The following SH2D4B variants were observed in gnomAD, a reference collection of about 807,000 sequenced individuals.
The protein encoded by SH2D4B is SH2 domain containing 4B.
A neutral mutation model predicts 61.5 loss-of-function variants in SH2D4B; 45 were observed. The observed-to-expected ratio is 0.73, with a 90% CI of 0.58 to 0.94. SH2D4B has a LOEUF of 0.94. SH2D4B is among the 40% of genes least tolerant of loss of function. The probability of loss-of-function intolerance (pLI) is 0.00; values close to 1 mark genes in which losing one functional copy is unlikely to be tolerated. For synonymous variants in SH2D4B, 224 were observed against 220.4 expected (o/e 1.02, Z -0.14); for missense variants, 572 against 574.2 (o/e 1.00, Z 0.04).
intron 1 of SH2D4B, among the ~76,000 whole-genome samples, chr10:80,549,203 T>TTG (rs1554874982): frequency 0.01 from 1,241 of 120,220 alleles, 9 homozygotes; most frequent in Non-Finnish European, 0.015. Context: ...TGGGACTTGA[T>TTG]TGTGTGTGTG....
At position 80,582,344 on chromosome 10, in the gene SH2D4B, C is replaced by A. The variant is rs573646026; in HGVS notation, c.496-6286C>A. Among the ~76,000 whole-genome samples the A allele has an allele frequency of 4.6e-5, 7 of 152,296 alleles. No individual in the cohort carries two copies. In the South Asian group the frequency reaches 1.2e-3, roughly 27 times the overall value. On this transcript the variant is annotated intron_variant, in intron 3 of 7. Coordinates refer to ENST00000646907, the MANE Select transcript of SH2D4B (RefSeq NM_001388272.1). ...GGGTGTACAGAGTTGGCAAATATTT[C>A]TTTGTGCAGTCTTTGTTTATATTAA...
rs760872569 is a variant in SH2D4B, at chr10:80,570,246, G to A, written c.277G>A (p.Glu93Lys). The A allele has an allele frequency of 1.9e-5, 30 of 1,614,038 alleles. No individual in the cohort carries two copies. Among genetic ancestry groups the A allele is most frequent in the African/African-American group, 1.5e-4 (11 of 74,932 alleles). The change falls in exon 2 of 8, where the codon GAA (glutamate) becomes AAA (lysine). Residue 93 changes from glutamate to lysine, a missense_variant. Transcript: ENST00000646907. ...MGEGPGDKPY[E>K]EISEELIAER... is the part of the protein sequence containing the mutation. ...AGAAGGCCCTGGTGACAAGCCCTAC[G>A]AAGAGATCTCTGAGGAGCTGATTGC...
chr10:80,591,045 C>G (rs961054893), intron 4 of SH2D4B, among the ~76,000 whole-genome samples: 1 of 150,848 alleles, frequency 6.6e-6, no homozygotes, highest in African/African-American at 2.4e-5. Context: ...TTTTCAAGGT[C>G]CATTCATGTT....
chr10:80,589,043 G>A (rs954994093), intron 4 of SH2D4B, among the ~76,000 whole-genome samples: 5 of 149,676 alleles, frequency 3.3e-5, no homozygotes, highest in African/African-American at 5.0e-5. Context: ...TTGCTCTGTC[G>A]CCTAGGCTGG....
chr10:80,585,984 C>T (rs1842242004), intron 3 of SH2D4B, among the ~76,000 whole-genome samples: 2 of 152,170 alleles, frequency 1.3e-5, no homozygotes, highest in Non-Finnish European at 2.9e-5. Flanking sequence ...CGAGCCGGCC[C>T]CGCCAGCCCG....
At chr10:80,575,406 T>C (rs896016868) in intron 3 of SH2D4B, among the ~76,000 whole-genome samples, 10 of 152,100 alleles carry the variant, frequency 6.6e-5, no homozygotes, top group African/African-American at 2.2e-4. Flanking sequence ...CAACTGTCCC[T>C]GTCACACAAC....
At chr10:80,613,924 A>G (rs1028633368) in intron 6 of SH2D4B, among the ~76,000 whole-genome samples, 16 of 152,218 alleles carry the variant, frequency 1.1e-4, no homozygotes, top group Non-Finnish European at 2.1e-4. Flanking sequence ...GGATGACAGC[A>G]CACAAACAAA....
Position 80,549,202 on chromosome 10 carries a change from A to G in SH2D4B, c.184+10687A>G, listed in dbSNP as rs865893792. On this transcript the variant is annotated intron_variant, in intron 1 of 7. Transcript: ENST00000646907. ...TCTCCGAGAGCTGTGATGGGACTTG[A>G]TTGTGTGTGTGTGTGTGTGTGTGTG... 3.6e-4 allele frequency among the ~76,000 whole-genome samples: 29 copies of G among 80,650 alleles called. 1 individual carries two copies. The highest frequency in any genetic ancestry group is 1.4e-3 in the South Asian group (3 of 2,188). The allele number at this position is 80,650 out of a possible 152,430, so 52.9% of individuals were successfully genotyped here. A position where few individuals can be genotyped will look rare whatever the true frequency, so the allele number is the denominator to read the frequency against.
rs1388759079 is a variant in SH2D4B, at chr10:80,550,593, C to CA, written c.184+12087dup. 6.7e-5 allele frequency among the ~76,000 whole-genome samples: 10 copies of CA among 148,456 alleles called. No homozygotes were observed. In the East Asian group the frequency reaches 7.8e-4, roughly 12 times the overall value. On this transcript the variant is annotated intron_variant, in intron 1 of 7. Transcript: ENST00000646907. Reference sequence around the variant, plus strand: ...TGGGTGACAGAGTGAGATTCCGTCTCAAAAAAAAAGAGAAAGACACATCAT... The same window carrying CA: ...TGGGTGACAGAGTGAGATTCCGTCTCAAAAAAAAAAGAGAAAGACACATCAT...
At chr10:80,574,006 A>T (rs1414514934) in intron 3 of SH2D4B, among the ~76,000 whole-genome samples, 4 of 152,230 alleles carry the variant, frequency 2.6e-5, no homozygotes, top group Non-Finnish European at 5.9e-5. Context: ...TGTCTTTGTT[A>T]ATTTTTTAAA....
intron 3 of SH2D4B, among the ~76,000 whole-genome samples, chr10:80,573,001 T>A (rs1842080726): frequency 1.3e-5 from 1 of 74,224 alleles, no homozygotes; most frequent in Non-Finnish European, 2.9e-5. Context: ...TTTTTTTTTT[T>A]TTTTTTTTTT....
intron 1 of SH2D4B, among the ~76,000 whole-genome samples, chr10:80,541,426 C>T (rs1841577199): frequency 6.6e-6 from 1 of 152,194 alleles, no homozygotes; most frequent in Non-Finnish European, 1.5e-5. Context: ...TGGTCCCCTC[C>T]CTACACATTT....
chr10:80,572,986 A>T (rs9663600), intron 3 of SH2D4B, among the ~76,000 whole-genome samples: 2,022 of 8,752 alleles, frequency 0.23, 162 homozygotes, highest in African/African-American at 0.29. Flanking sequence ...ATATATATAT[A>T]TTTTTTTTTT....
At chr10:80,559,646 T>C (rs1841878680) in intron 1 of SH2D4B, among the ~76,000 whole-genome samples, 1 of 151,406 alleles carries the variant, frequency 6.6e-6, no homozygotes, top group Admixed American at 6.6e-5. Context: ...CATTTTTTTT[T>C]TTTTTTTTTG....
At chr10:80,591,351 A>C (rs1311829568) in intron 4 of SH2D4B, among the ~76,000 whole-genome samples, 2 of 152,062 alleles carry the variant, frequency 1.3e-5, no homozygotes, top group Non-Finnish European at 2.9e-5. Flanking sequence ...TTACAAAGAA[A>C]ATAAATCTAT....
intron 3 of SH2D4B, among the ~76,000 whole-genome samples, chr10:80,577,359 C>T (rs1041794733): frequency 2.6e-5 from 4 of 152,108 alleles, no homozygotes; most frequent in Non-Finnish European, 5.9e-5. Flanking sequence ...CAGCCAAGCC[C>T]TTCCTGAATT....
At position 80,588,657 on chromosome 10, in the gene SH2D4B, G is replaced by C. The variant is rs1385664583; in HGVS notation, c.523G>C (p.Gly175Arg). The change falls in exon 4 of 8, where the codon GGA becomes CGA. Residue 175 changes from glycine (G) to arginine (R), a missense_variant. Physicochemically the swap from Gly to Arg is moderately radical, Grantham distance 125. Coordinates refer to ENST00000646907, the MANE Select transcript of SH2D4B (RefSeq NM_001388272.1). ...KRKEEEERKR[G>R]EEQIRLQEEQ... The stretch of plus-strand genomic sequence containing the variant: ...GAAAGAGGAAGAGGAGAGGAAGCGA[G>C]GAGAAGAGCAGATTCGCCTCCAGGA... The C allele has an allele frequency of 1.2e-6, 2 of 1,614,022 alleles. No homozygotes were observed. Among genetic ancestry groups the C allele is most frequent in the South Asian group, 2.2e-5 (2 of 91,082 alleles).
At chr10:80,631,502 G>C (rs1158161837) in intron 6 of SH2D4B, among the ~76,000 whole-genome samples, 1 of 152,180 alleles carries the variant, frequency 6.6e-6, no homozygotes, top group African/African-American at 2.4e-5. Context: ...TCCCACCTTG[G>C]CCTACTAAAG....
At chr10:80,612,143 A>C (rs1398246467) in intron 6 of SH2D4B, among the ~76,000 whole-genome samples, 1 of 150,602 alleles carries the variant, frequency 6.6e-6, no homozygotes, top group East Asian at 2.0e-4. Flanking sequence ...TTGCTTGAAA[A>C]AGTAAAAAGT....
Sources: allele counts gnomAD v4.1 joint callset (sites outside exome capture counted in the v4.1 genomes callset), GRCh38; gene constraint gnomAD v4.1.1; transcripts MANE v1.5; gene names NCBI Gene and HGNC (gene_info 2026-07-23, HGNC 2026-07-21).